Variants in RTTN observed in about 807,000 individuals in gnomAD.
The protein encoded by RTTN is rotatin.
RTTN carries 182 observed loss-of-function variants against 269.2 expected under a neutral mutation model. That is an observed-to-expected ratio of 0.68 (90% CI 0.60 to 0.76). The LOEUF (loss-of-function observed/expected upper bound fraction) is 0.76, where lower values mean the gene tolerates loss of function less well. Ranked by LOEUF, RTTN falls within the 30% of genes least tolerant of loss-of-function variation. The probability of loss-of-function intolerance (pLI) is 0.00; values close to 1 mark genes in which losing one functional copy is unlikely to be tolerated. For synonymous variants in RTTN, 1,006 were observed against 963.5 expected, an observed-to-expected ratio of 1.04 and a Z score of -0.82; for missense variants, 2,545 against 2,608.6, an observed-to-expected ratio of 0.98 and a Z score of 0.53.
intron 40 of RTTN, among the ~76,000 whole-genome samples, chr18:70,040,570 G>T (rs1460103254): frequency 1.3e-5 from 2 of 152,136 alleles, no homozygotes; most frequent in Admixed American, 1.3e-4. Context: ...AGATCTTCCA[G>T]AAAGAAAATC....
chr18:70,090,167 T>C (rs765266231), intron 30 of RTTN, among the ~76,000 whole-genome samples: 12 of 152,218 alleles, frequency 7.9e-5, no homozygotes, highest in Non-Finnish European at 1.8e-4. Flanking sequence ...AGGAAAGCTG[T>C]TGGACTTCCT....
chr18:70,006,643 A>G (rs1304876909), intron 46 of RTTN, 159 bp from the exon 47 acceptor site: 7 of 611,766 alleles, frequency 1.1e-5, no homozygotes, highest in Non-Finnish European at 2.1e-5. Context: ...GCCATGTGGT[A>G]TATGGGAGGA....
chr18:70,015,254 G>A (rs554349671), intron 46 of RTTN, among the ~76,000 whole-genome samples: 17 of 152,056 alleles, frequency 1.1e-4, no homozygotes, highest in African/African-American at 4.1e-4. Context: ...GTAGAGGCGG[G>A]GTTTCACCAT....
At position 70,193,176 on chromosome 18, in the gene RTTN, CAAAAAAAA is replaced by C. The variant is rs35759421; in HGVS notation, c.1007+104_1007+111del. The C allele has an allele frequency of 7.7e-5, 51 of 660,888 alleles. No individual in the cohort carries two copies. In the South Asian group the frequency reaches 1.1e-3, roughly 14 times the overall value. The allele number at this position is 660,888 out of a possible 1,614,324, so 40.9% of individuals were successfully genotyped here. The stretch of plus-strand genomic sequence containing the variant: ...AAGGCCTATACCTGTGTTAATGTTT[CAAAAAAAA>C]AAAAAAAAAAAAGGACAGAAAAATA... On this transcript the variant is annotated intron_variant, in intron 8 of 48. Transcript: ENST00000640769.
At chr18:70,017,882 C>T (rs1273141526) in intron 45 of RTTN, among the ~76,000 whole-genome samples, 1 of 152,194 alleles carries the variant, frequency 6.6e-6, no homozygotes, top group Admixed American at 6.5e-5. Context: ...GTTTTAATTC[C>T]TGCTAATTAT....
chr18:70,020,893 A>G, intron 44 of RTTN, 76 bp from the exon 45 acceptor site: 2 of 1,214,516 alleles, frequency 1.6e-6, no homozygotes, highest in Non-Finnish European at 2.3e-6. Context: ...GTGGCAAAGC[A>G]TATCTGTCTA....
rs5825998 is a variant in RTTN, at chr18:70,175,045, CAAAAAAAAAA to C, written c.1476+1620_1476+1629del. ...TCCGTCTCAAAAACAAAACCAAAAC[CAAAAAAAAAA>C]AAAAAAAAAAAGAATAAATAACTTT... On this transcript the variant is annotated intron_variant, in intron 11 of 48. Coordinates refer to ENST00000640769, the MANE Select transcript of RTTN (RefSeq NM_173630.4). 1.0e-4 allele frequency among the ~76,000 whole-genome samples: 9 copies of C among 86,858 alleles called. 1 individual carries two copies. Among genetic ancestry groups the C allele is most frequent in the East Asian group, 3.8e-4 (1 of 2,642 alleles). The allele number at this position is 86,858 out of a possible 152,430, so 57.0% of individuals were successfully genotyped here.
At chr18:70,200,050 T>G (rs1287988368) in intron 4 of RTTN, among the ~76,000 whole-genome samples, 1 of 152,218 alleles carries the variant, frequency 6.6e-6, no homozygotes, top group Non-Finnish European at 1.5e-5. Flanking sequence ...AAGCAACAGT[T>G]TTAAACTATC....
intron 10 of RTTN, 135 bp from the exon 11 acceptor site, chr18:70,176,980 CTG>C (rs1394118963): frequency 4.9e-6 from 3 of 607,972 alleles, no homozygotes; most frequent in Non-Finnish European, 5.2e-6. Context: ...GAATTTATTC[CTG>C]TGAGAATTAC....
chr18:70,068,912 A>G (rs2058220940), intron 34 of RTTN, among the ~76,000 whole-genome samples: 2 of 152,270 alleles, frequency 1.3e-5, no homozygotes, highest in South Asian at 4.1e-4. Context: ...TACAGATATT[A>G]CAAAAGACAA....
intron 18 of RTTN, among the ~76,000 whole-genome samples, chr18:70,144,122 C>T (rs931545629): frequency 3.3e-5 from 5 of 152,178 alleles, no homozygotes; most frequent in African/African-American, 1.2e-4. Flanking sequence ...GCTGGGATTA[C>T]AGGCAAGAGC....
At chr18:70,022,000 T>TAA (rs1369529861) in intron 44 of RTTN, among the ~76,000 whole-genome samples, 3 of 152,124 alleles carry the variant, frequency 2.0e-5, no homozygotes, top group Admixed American at 6.5e-5. Flanking sequence ...AGTCAAATCT[T>TAA]AAATTTATGA....
intron 14 of RTTN, among the ~76,000 whole-genome samples, chr18:70,157,124 C>T (rs544683293): frequency 1.4e-3 from 212 of 152,304 alleles, no homozygotes; most frequent in African/African-American, 4.9e-3. Context: ...CCTGCCAGTG[C>T]GCACTTGCCC....
chr18:70,100,818 G>C (rs886311295), intron 28 of RTTN, among the ~76,000 whole-genome samples: 11 of 152,160 alleles, frequency 7.2e-5, no homozygotes, highest in African/African-American at 2.7e-4. Context: ...GGCCTTTTCT[G>C]CATCTATTGA....
At position 70,079,318 on chromosome 18, in the gene RTTN, T is replaced by A. The variant is rs527426543; in HGVS notation, c.4375-3777A>T. Among the ~76,000 whole-genome samples the A allele has an allele frequency of 3.0e-4, 45 of 152,214 alleles. 1 individual carries two copies. In the South Asian group the frequency reaches 9.1e-3, roughly 31 times the overall value. On this transcript the variant is annotated intron_variant, in intron 32 of 48. Transcript: ENST00000640769. ...CCGAGTAATCTGAAATAGGCACATATTACATAAAAATTATTTTATTTTTTA... is the reference window on the plus strand; with the variant it reads ...CCGAGTAATCTGAAATAGGCACATAATACATAAAAATTATTTTATTTTTTA...
At chr18:70,011,929 G>A (rs2056386735) in intron 46 of RTTN, among the ~76,000 whole-genome samples, 1 of 151,262 alleles carries the variant, frequency 6.6e-6, no homozygotes, top group Non-Finnish European at 1.5e-5. Flanking sequence ...TTGGTTAGAA[G>A]GCAGCGTCTG....
chr18:70,087,869 C>G, intron 31 of RTTN, 120 bp downstream of exon 31: 2 of 1,026,208 alleles, frequency 1.9e-6, no homozygotes, highest in South Asian at 1.8e-5. Context: ...TTTGGGTGTT[C>G]ACAGACAGAA....
At chr18:70,084,590 C>A (rs759152821) in intron 32 of RTTN, among the ~76,000 whole-genome samples, 2 of 150,700 alleles carry the variant, frequency 1.3e-5, no homozygotes, top group Non-Finnish European at 2.9e-5. Context: ...ATTTTCACTG[C>A]CAAGGAAGGA....
In RTTN at chr18:70,005,528, C is replaced by T. The variant is rs575303427; in HGVS notation, c.6526-261G>A. ...TCTTCCCTTCTCTTTTACTCCTTCT[C>T]CCCTAATCTCAATTTGCTATTTTAA... On this transcript the variant is annotated intron_variant, in intron 47 of 48. Coordinates refer to ENST00000640769, the MANE Select transcript of RTTN (RefSeq NM_173630.4). The T allele has an allele frequency of 1.5e-3, 481 of 320,526 alleles. 1 individual carries two copies. The highest frequency in any genetic ancestry group is 3.3e-3 in the Middle Eastern group (4 of 1,204). The allele number at this position is 320,526 out of a possible 1,614,324, so 19.9% of individuals were successfully genotyped here.
Sources: gnomAD v4.1 joint callset for allele counts (sites outside exome capture counted in the v4.1 genomes callset) on GRCh38, gnomAD v4.1.1 for gene constraint, MANE v1.5 for transcripts, NCBI Gene and HGNC (gene_info 2026-07-23, HGNC 2026-07-21) for gene names.